E2F4: variants seen among roughly 807,000 people sequenced by gnomAD.
The protein encoded by E2F4 is E2F transcription factor 4.
E2F4 carries 16 observed loss-of-function variants against 44.5 expected under a neutral mutation model. The observed-to-expected ratio is 0.36, with a 90% confidence interval of 0.24 to 0.55. E2F4 has a LOEUF of 0.55. E2F4 is among the 20% of genes least tolerant of loss of function. The pLI, the probability that E2F4 is intolerant of heterozygous loss-of-function variation, is 0.87. For missense variants in E2F4, 473 were observed against 522.1 expected (o/e 0.91, Z 0.92); for synonymous variants, 242 against 207.2 (o/e 1.17, Z -1.44).
At chr16:67,194,302 G>T in intron 4 of E2F4, 96 bp from the exon 5 acceptor site, 2 of 1,361,704 alleles carry the variant, frequency 1.5e-6, no homozygotes, top group Non-Finnish European at 2.1e-6. Flanking sequence ...GTTCCTCAGG[G>T]ACCGTGATCT....
At position 67,197,920 on chromosome 16, in the gene E2F4, C is replaced by T; in HGVS notation, c.1126+9C>T. Reference sequence around the variant, plus strand: ...GTTGATGTCCTCAGAAGGTGGGTGGCCCTGGAAGGTGGGAGTGGGTGTGGG... The same window carrying T: ...GTTGATGTCCTCAGAAGGTGGGTGGTCCTGGAAGGTGGGAGTGGGTGTGGG... On this transcript the variant is annotated intron_variant, in intron 9 of 9. Transcript: ENST00000379378. 1 of 1,614,022 alleles carries T rather than the reference C, an allele frequency of 6.2e-7. No homozygotes were observed.
In E2F4 at chr16:67,198,174, G is replaced by T; in HGVS notation, c.*51G>T. On this transcript the variant is annotated 3_prime_UTR_variant, in exon 10 of 10. Transcript: ENST00000379378. Reference sequence around the variant, plus strand: ...TGGGACCCAGACTGTCTGACCTGGGGGTTGCCTGGGGACCTCTCCCACCCG... The same window carrying T: ...TGGGACCCAGACTGTCTGACCTGGGTGTTGCCTGGGGACCTCTCCCACCCG... The T allele has an allele frequency of 1.3e-6, 2 of 1,552,870 alleles. No individual in the cohort carries two copies. Among genetic ancestry groups the T allele is most frequent in the Non-Finnish European group, 1.8e-6 (2 of 1,129,544 alleles).
At chr16:67,193,309 CTCCCCT>C in intron 3 of E2F4, 139 bp downstream of exon 3, 1 of 1,491,470 alleles carries the variant, frequency 6.7e-7, no homozygotes, top group Non-Finnish European at 9.3e-7. Context: ...CTCAGAGCCC[CTCCCCT>C]TCCACTCTTA....
Position 67,198,298 on chromosome 16 carries a change from G to C in E2F4, c.*175G>C. 1 of 615,942 alleles carries C rather than the reference G, an allele frequency of 1.6e-6. No homozygotes were observed. Among genetic ancestry groups the C allele is most frequent in the East Asian group, 2.7e-5 (1 of 36,440 alleles). The allele number at this position is 615,942 out of a possible 1,614,324, so 38.2% of individuals were successfully genotyped here. The stretch of plus-strand genomic sequence containing the variant: ...CTCCCGCTCCTGTGCTGGCACTTCT[G>C]TGCTCGCAGAGCAGGGGAACAGGAC... On this transcript the variant is annotated 3_prime_UTR_variant, in exon 10 of 10. Coordinates refer to ENST00000379378, the MANE Select transcript of E2F4 (RefSeq NM_001950.4).
In E2F4 at chr16:67,198,795, A is replaced by C; in HGVS notation, c.*672A>C. 4.2e-6 allele frequency: 1 copy of C among 237,964 alleles called. No individual in the cohort carries two copies. The allele number at this position is 237,964 out of a possible 1,614,324, so 14.7% of individuals were successfully genotyped here. A position where few individuals can be genotyped will look rare whatever the true frequency, so the allele number is the denominator to read the frequency against. On this transcript the variant is annotated 3_prime_UTR_variant, in exon 10 of 10. Coordinates refer to ENST00000379378, the MANE Select transcript of E2F4 (RefSeq NM_001950.4). ...CCCTCATTTAGAGCCATTTGCAGAG[A>C]TTTAGAAAGATTTACAGTAACGAAT... is the stretch of plus-strand genomic sequence containing the variant.
chr16:67,197,547 G>A (rs1001044535), intron 7 of E2F4, 52 bp from the exon 8 acceptor site: 2 of 1,602,216 alleles, frequency 1.2e-6, no homozygotes, highest in Non-Finnish European at 1.7e-6. Context: ...GGGGGCTGTA[G>A]TGGGGCCAGG....
intron 1 of E2F4, 26 bp downstream of exon 1, chr16:67,192,388 A>C (rs766136949): frequency 7.1e-7 from 1 of 1,410,542 alleles, no homozygotes; most frequent in East Asian, 2.6e-5. Flanking sequence ...AGGGGAGACA[A>C]GGGAGGCTGG....
rs2032896440 is a variant in E2F4 at position 67,192,200 on chromosome 16, G to A, written c.-28G>A. ...CGGCGGCGCCGGCCTGGCCTGGCCT[G>A]GCTGAGGGGAGGCGGCGGGCGGGCG... On this transcript the variant is annotated 5_prime_UTR_variant, in exon 1 of 10. Coordinates refer to ENST00000379378, the MANE Select transcript of E2F4 (RefSeq NM_001950.4). 2 of 1,233,816 alleles carry A rather than the reference G, an allele frequency of 1.6e-6. No individual in the cohort carries two copies. The highest frequency in any genetic ancestry group is 3.6e-5 in the South Asian group (1 of 27,532). The allele number at this position is 1,233,816 out of a possible 1,614,324, so 76.4% of individuals were successfully genotyped here.
chr16:67,194,617 C>A, intron 5 of E2F4, 69 bp from the exon 6 acceptor site: 1 of 1,580,844 alleles, frequency 6.3e-7, no homozygotes, highest in South Asian at 1.1e-5. Flanking sequence ...GGTCCTGACC[C>A]GGAGTCGGGC....
chr16:67,198,776 T>G lies in E2F4; in HGVS notation c.*653T>G. ...ATTTCGGCTTTTTCATTTACCCTCA[T>G]TTAGAGCCATTTGCAGAGATTTAGA... On this transcript the variant is annotated 3_prime_UTR_variant, in exon 10 of 10. Coordinates refer to ENST00000379378, the MANE Select transcript of E2F4 (RefSeq NM_001950.4). 3 of 209,698 alleles carry G rather than the reference T, an allele frequency of 1.4e-5. No individual in the cohort carries two copies. Among genetic ancestry groups the G allele is most frequent in the Non-Finnish European group, 1.9e-5 (2 of 103,932 alleles). The allele number at this position is 209,698 out of a possible 1,614,324, so 13.0% of individuals were successfully genotyped here. A position where few individuals can be genotyped will look rare whatever the true frequency, so the allele number is the denominator to read the frequency against.
At chr16:67,195,711 G>A in intron 6 of E2F4, 71 bp from the exon 7 acceptor site, 1 of 1,598,504 alleles carries the variant, frequency 6.3e-7, no homozygotes, top group South Asian at 1.1e-5. Context: ...CTGTGTCTGG[G>A]TTCCAGCACA....
Position 67,192,334 on chromosome 16 carries a change from C to G in E2F4, c.107C>G (p.Ala36Gly). ...AAGTTCGTGTCCCTTCTGCAGGAGG[C>G]CAAGGACGGCGTGCTTGACCTCAAG... ...TTKFVSLLQE[A>G]KDGVLDLKLA... The change falls in exon 1 of 10, where the codon GCC becomes GGC. Residue 36 changes from alanine (A) to glycine (G), a missense_variant. Transcript: ENST00000379378. The G allele has an allele frequency of 7.0e-7, 1 of 1,427,100 alleles. No individual in the cohort carries two copies. Among genetic ancestry groups the G allele is most frequent in the Non-Finnish European group, 9.2e-7 (1 of 1,088,478 alleles). 88.4% of individuals were successfully genotyped at this position (1,427,100 alleles called of 1,614,324 possible).
Position 67,195,985 on chromosome 16 carries a change from A to C in E2F4, c.1012A>C (p.Ile338Leu). The change falls in exon 7 of 10, where the codon ATC becomes CTC. Residue 338 changes from isoleucine (I) to leucine (L), a missense_variant. This residue lies in a region of E2F4 where 314 missense variants were observed against 315.6 expected (regional missense o/e 0.99). Coordinates refer to ENST00000379378, the MANE Select transcript of E2F4 (RefSeq NM_001950.4). ...GPNPSTSFEPIKADPTGVLEL... is the reference protein window; with the variant it reads ...GPNPSTSFEPLKADPTGVLEL... Reference sequence around the variant, plus strand: ...CAACCCTTCTACCTCCTTTGAGCCCATCAAGGCAGACCCCACAGGTGGTGA... The same window carrying C: ...CAACCCTTCTACCTCCTTTGAGCCCCTCAAGGCAGACCCCACAGGTGGTGA... 1 of 1,614,124 alleles carries C rather than the reference A, an allele frequency of 6.2e-7. No individual in the cohort carries two copies.
rs751710481 is a variant in E2F4, at chr16:67,195,593, G to T, written c.809-189G>T. The T allele has an allele frequency of 3.1e-4, 384 of 1,240,790 alleles. 1 individual carries two copies. The highest frequency in any genetic ancestry group is 2.5e-4 in the Non-Finnish European group (230 of 914,500). 76.9% of individuals were successfully genotyped at this position (1,240,790 alleles called of 1,614,324 possible). ...TGTTGACCACGAGTCTTCTTCTGTAGGTCTTGTGTCCCTGTCTCCTGTGGT... is the reference window on the plus strand; with the variant it reads ...TGTTGACCACGAGTCTTCTTCTGTATGTCTTGTGTCCCTGTCTCCTGTGGT... On this transcript the variant is annotated intron_variant, in intron 6 of 9. Transcript: ENST00000379378.
intron 1 of E2F4, 44 bp from the exon 2 acceptor site, chr16:67,192,717 T>C: frequency 1.9e-6 from 3 of 1,548,036 alleles, no homozygotes; most frequent in African/African-American, 1.4e-5. Flanking sequence ...TGGCTGGGGG[T>C]ACACCCCAGA....
chr16:67,195,990 G>A lies in E2F4; in HGVS notation c.1017G>A (p.Lys339=). The change falls in exon 7 of 10, where the codon AAG becomes AAA. Residue 339 remains lysine, a synonymous_variant. Coordinates refer to ENST00000379378, the MANE Select transcript of E2F4 (RefSeq NM_001950.4). ...CTTCTACCTCCTTTGAGCCCATCAA[G>A]GCAGACCCCACAGGTGGTGAGTACC... ...PNPSTSFEPI[K]ADPTGVLELP... is the part of the protein sequence containing the mutation. 1 of 1,614,124 alleles carries A rather than the reference G, an allele frequency of 6.2e-7. No homozygotes were observed. Among genetic ancestry groups the A allele is most frequent in the Non-Finnish European group, 8.5e-7 (1 of 1,179,998 alleles).
At chr16:67,195,515 C>T in intron 6 of E2F4, 1 of 599,362 alleles carries the variant, frequency 1.7e-6, no homozygotes, top group Non-Finnish European at 2.8e-6. Flanking sequence ...TCCACATCCA[C>T]TGGTGTCTCA....
chr16:67,195,092 C>T (rs1327940352), intron 6 of E2F4, 112 bp downstream of exon 6: 1 of 1,351,988 alleles, frequency 7.4e-7, no homozygotes, highest in Non-Finnish European at 1.0e-6. Flanking sequence ...TGTCCTTTTC[C>T]TGACCACCTA....
At chr16:67,192,451 C>G in intron 1 of E2F4, 89 bp downstream of exon 1, 3 of 1,376,874 alleles carry the variant, frequency 2.2e-6, no homozygotes, top group Non-Finnish European at 9.4e-7. Flanking sequence ...CAGCTGGGTC[C>G]TCCGAGAGCC....
Sources: allele counts gnomAD v4.1 joint callset, GRCh38; gene constraint gnomAD v4.1.1; regional missense constraint gnomAD v4.1.1; transcripts MANE v1.5; gene names NCBI Gene and HGNC (gene_info 2026-07-23, HGNC 2026-07-21).